The following RHOQ variants were observed in gnomAD, a reference collection of about 807,000 sequenced individuals.
RHOQ encodes the protein ras homolog family member Q, also known as rho-related GTP-binding protein RhoQ.
In RHOQ, 7 loss-of-function variants were observed where a neutral mutation model predicts 25.8. The observed-to-expected ratio is 0.27, with a 90% confidence interval of 0.15 to 0.51. The LOEUF (loss-of-function observed/expected upper bound fraction) is 0.51. Among genes scored for constraint, RHOQ ranks in the 20% least tolerant of loss-of-function variants. The pLI, the probability that RHOQ is intolerant of heterozygous loss-of-function variation, is 0.97. For synonymous variants in RHOQ, 97 were observed against 98.6 expected (o/e 0.98, Z 0.10); for missense variants, 165 against 260.6 (o/e 0.63, Z 2.53).
chr2:46,551,510 G>C (rs1572737519), intron 2 of RHOQ, among the ~76,000 whole-genome samples: 2 of 152,256 alleles, frequency 1.3e-5, no homozygotes, highest in African/African-American at 4.8e-5. Context: ...ATGGACCCCA[G>C]ATCCCTGCTA....
intron 2 of RHOQ, among the ~76,000 whole-genome samples, chr2:46,563,561 A>T (rs1428676399): frequency 6.6e-6 from 1 of 152,146 alleles, no homozygotes; most frequent in Non-Finnish European, 1.5e-5. Context: ...AGGGGAGGGG[A>T]GGGCATCAAA....
rs1195790399 is a variant in RHOQ, at chr2:46,566,293, C to G, written c.202-9794C>G. Reference sequence around the variant, plus strand: ...ATAGTAATAAGCTAGTTCTGGAACTCAGAGGCAGAGACCTCCTCTGACCAC... The same window carrying G: ...ATAGTAATAAGCTAGTTCTGGAACTGAGAGGCAGAGACCTCCTCTGACCAC... On this transcript the variant is annotated intron_variant, in intron 2 of 4. Coordinates refer to ENST00000238738, the MANE Select transcript of RHOQ (RefSeq NM_012249.4). This position sits in a 1 kb window ranked among gnomAD's most constrained non-coding sequence, Gnocchi z 4.2. Among the ~76,000 whole-genome samples the G allele has an allele frequency of 1.3e-5, 2 of 152,152 alleles. No homozygotes were observed. The highest frequency in any genetic ancestry group is 2.9e-5 in the Non-Finnish European group (2 of 68,036).
At chr2:46,570,383 T>C (rs1668873463) in intron 2 of RHOQ, among the ~76,000 whole-genome samples, 1 of 151,696 alleles carries the variant, frequency 6.6e-6, no homozygotes, top group Admixed American at 6.6e-5. Flanking sequence ...GAGGTGGCAG[T>C]GAGCCGAGAT....
chr2:46,556,059 C>T lies in RHOQ; in HGVS notation c.201+12247C>T, dbSNP rs919680394. Among the ~76,000 whole-genome samples, 4 of 152,158 alleles carry T rather than the reference C, an allele frequency of 2.6e-5. No homozygotes were observed. Among genetic ancestry groups the T allele is most frequent in the Admixed American group, 2.6e-4 (4 of 15,270 alleles). Reference sequence around the variant, plus strand: ...CCCCATACCCACCGACAGTCACTCCCCACCATTCCTCCTCCCCCGTCTCCT... The same window carrying T: ...CCCCATACCCACCGACAGTCACTCCTCACCATTCCTCCTCCCCCGTCTCCT... On this transcript the variant is annotated intron_variant, in intron 2 of 4. Coordinates refer to ENST00000238738, the MANE Select transcript of RHOQ (RefSeq NM_012249.4). The surrounding 1 kb of genome is among the most constrained non-coding windows in gnomAD (Gnocchi z 4.9).
At chr2:46,549,448 CG>C (rs1465036472) in intron 2 of RHOQ, among the ~76,000 whole-genome samples, 2 of 152,092 alleles carry the variant, frequency 1.3e-5, no homozygotes, top group Non-Finnish European at 2.9e-5. Flanking sequence ...TAGCTCTCCA[CG>C]GGGGTGTCCG....
intron 4 of RHOQ, among the ~76,000 whole-genome samples, chr2:46,577,591 A>ATTTTTT (rs1669179298): frequency 1.4e-5 from 1 of 69,370 alleles, no homozygotes; most frequent in Non-Finnish European, 3.0e-5. Context: ...TTTTTTTTTC[A>ATTTTTT]TTTTTAGTGG....
rs1195447592 is a variant in RHOQ at position 46,582,288 on chromosome 2, AAAAG to A, written c.*1209_*1212del. 1.3e-5 allele frequency: 2 copies of A among 152,150 alleles called. No individual in the cohort carries two copies. Among genetic ancestry groups the A allele is most frequent in the Non-Finnish European group, 2.9e-5 (2 of 68,014 alleles). 9.4% of individuals were successfully genotyped at this position (152,150 alleles called of 1,614,324 possible). A position where few individuals can be genotyped will look rare whatever the true frequency, so the allele number is the denominator to read the frequency against. ...AAGTGAAAGGCTCTGCTTGAAAAAA[AAAAG>A]AAAAAAAAGTTGGAGGAAAATTTTC... On this transcript the variant is annotated 3_prime_UTR_variant, in exon 5 of 5. Coordinates refer to ENST00000238738, the MANE Select transcript of RHOQ (RefSeq NM_012249.4).
chr2:46,548,844 TTCC>T lies in RHOQ; in HGVS notation c.201+5038_201+5040del, dbSNP rs150146819. On this transcript the variant is annotated intron_variant, in intron 2 of 4. Transcript: ENST00000238738. The surrounding 1 kb of genome is among the most constrained non-coding windows in gnomAD (Gnocchi z 5.2). Reference sequence around the variant, plus strand: ...CACCGCATCACACGGGAATGCTGGTTTCCTCCTCTGCGTTGGGAAGGTGGATAG... The same window carrying T: ...CACCGCATCACACGGGAATGCTGGTTTCCTCTGCGTTGGGAAGGTGGATAG... Among the ~76,000 whole-genome samples the T allele has an allele frequency of 6.6e-6, 1 of 152,356 alleles. No homozygotes were observed. The highest frequency in any genetic ancestry group is 1.9e-4 in the East Asian group (1 of 5,180).
chr2:46,552,793 G>C lies in RHOQ; in HGVS notation c.201+8981G>C, dbSNP rs1668283205. Among the ~76,000 whole-genome samples the C allele has an allele frequency of 6.6e-6, 1 of 152,264 alleles. No individual in the cohort carries two copies. Among genetic ancestry groups the C allele is most frequent in the East Asian group, 1.9e-4 (1 of 5,206 alleles). ...CACAGGCCTGGCCCCCAGAGGCACAGTGTTTTGAAGGGTAGGTCAACCATG... is the reference window on the plus strand; with the variant it reads ...CACAGGCCTGGCCCCCAGAGGCACACTGTTTTGAAGGGTAGGTCAACCATG... On this transcript the variant is annotated intron_variant, in intron 2 of 4. Transcript: ENST00000238738. The surrounding 1 kb of genome is among the most constrained non-coding windows in gnomAD (Gnocchi z 5.0).
At chr2:46,580,706 G>A (rs1468663675) in intron 4 of RHOQ, 1 of 385,222 alleles carries the variant, frequency 2.6e-6, no homozygotes, top group Non-Finnish European at 4.7e-6. Flanking sequence ...ACATATAGTA[G>A]ATACCCAGTA....
In RHOQ at chr2:46,580,773, A is replaced by G. The variant is rs374693614; in HGVS notation, c.463-155A>G. ...AAAGTCTGGAAGGACATATACTAGT[A>G]TTTTAAAATCCCCTCTGGGGTTATG... is the stretch of plus-strand genomic sequence containing the variant. On this transcript the variant is annotated intron_variant, in intron 4 of 4. Coordinates refer to ENST00000238738, the MANE Select transcript of RHOQ (RefSeq NM_012249.4). 15 of 503,698 alleles carry G rather than the reference A, an allele frequency of 3.0e-5. No homozygotes were observed. The East Asian group carries it at 5.2e-4, about 17-fold the overall frequency. 31.2% of individuals were successfully genotyped at this position (503,698 alleles called of 1,614,324 possible).
Position 46,545,909 on chromosome 2 carries a change from G to T in RHOQ, c.201+2097G>T, listed in dbSNP as rs552751587. 1.3e-3 allele frequency among the ~76,000 whole-genome samples: 197 copies of T among 152,198 alleles called. 5 individuals are homozygous for T. In the South Asian group the frequency reaches 0.039, roughly 30 times the overall value. ...ATGGCCGTAATTACTCTTTTTAGTG[G>T]AGGATCATAAGATATAGACCAAGCA... On this transcript the variant is annotated intron_variant, in intron 2 of 4. Coordinates refer to ENST00000238738, the MANE Select transcript of RHOQ (RefSeq NM_012249.4).
At position 46,576,330 on chromosome 2, in the gene RHOQ, C is replaced by A; in HGVS notation, c.366+79C>A. 1 of 1,195,420 alleles carries A rather than the reference C, an allele frequency of 8.4e-7. No homozygotes were observed. Among genetic ancestry groups the A allele is most frequent in the Non-Finnish European group, 1.2e-6 (1 of 840,218 alleles). The allele number at this position is 1,195,420 out of a possible 1,614,324, so 74.1% of individuals were successfully genotyped here. A position where few individuals can be genotyped will look rare whatever the true frequency, so the allele number is the denominator to read the frequency against. On this transcript the variant is annotated intron_variant, in intron 3 of 4. Transcript: ENST00000238738. This position sits in a 1 kb window ranked among gnomAD's most constrained non-coding sequence, Gnocchi z 5.1. The stretch of plus-strand genomic sequence containing the variant: ...GAGGCTGCTCTCAGACAAACAGTCC[C>A]AAAGCTGAGCAAATGATGTAAGTGT...
intron 2 of RHOQ, among the ~76,000 whole-genome samples, chr2:46,570,300 C>A (rs1249528356): frequency 6.6e-6 from 1 of 152,056 alleles, no homozygotes; most frequent in Non-Finnish European, 1.5e-5. Flanking sequence ...ATTAGCCAGC[C>A]ATGGTGGCAG....
chr2:46,560,668 G>T (rs757503639), intron 2 of RHOQ: 3 of 455,176 alleles, frequency 6.6e-6, no homozygotes, highest in South Asian at 3.1e-5. Flanking sequence ...TCCAGCATCC[G>T]CTGTCTTACT....
Position 46,576,107 on chromosome 2 carries a change from G to T in RHOQ, c.222G>T (p.Arg74Ser). Residue 74 changes from arginine (R) to serine (S), a missense_variant, in exon 3 of 5, where the codon AGG becomes AGT. Coordinates refer to ENST00000238738, the MANE Select transcript of RHOQ (RefSeq NM_012249.4). The surrounding 1 kb of genome is among the most constrained non-coding windows in gnomAD (Gnocchi z 5.1). ...CTCAGGAAGACTATGACCGTCTGAG[G>T]CCTTTATCTTACCCAATGACCGATG... ...TAGQEDYDRLRPLSYPMTDVF... is the reference protein window; with the variant it reads ...TAGQEDYDRLSPLSYPMTDVF... 2 of 1,608,660 alleles carry T rather than the reference G, an allele frequency of 1.2e-6. No individual in the cohort carries two copies. The highest frequency in any genetic ancestry group is 1.7e-6 in the Non-Finnish European group (2 of 1,178,280).
At chr2:46,546,464 A>ATATATATGTATATATATATATC in intron 2 of RHOQ, among the ~76,000 whole-genome samples, 1 of 5,236 alleles carries the variant, frequency 1.9e-4, no homozygotes, top group Non-Finnish European at 4.0e-4. Flanking sequence ...ATATATATAT[A>ATATATATGTATATATATATATC]TATATATATG....
At chr2:46,570,829 C>T (rs2104018755) in intron 2 of RHOQ, among the ~76,000 whole-genome samples, 1 of 152,290 alleles carries the variant, frequency 6.6e-6, no homozygotes, top group East Asian at 1.9e-4. Flanking sequence ...AAGGCTGGGG[C>T]TTATCTGTTA....
At position 46,576,105 on chromosome 2, in the gene RHOQ, A is replaced by T; in HGVS notation, c.220A>T (p.Arg74Trp). 1 of 1,607,472 alleles carries T rather than the reference A, an allele frequency of 6.2e-7. No individual in the cohort carries two copies. Among genetic ancestry groups the T allele is most frequent in the Non-Finnish European group, 8.5e-7 (1 of 1,177,946 alleles). ...TAGQEDYDRL[R>W]PLSYPMTDVF... The stretch of plus-strand genomic sequence containing the variant: ...TCCTCAGGAAGACTATGACCGTCTG[A>T]GGCCTTTATCTTACCCAATGACCGA... Residue 74 changes from arginine (R) to tryptophan (W), a missense_variant, in exon 3 of 5, where the codon AGG becomes TGG. Transcript: ENST00000238738. The surrounding 1 kb of genome is among the most constrained non-coding windows in gnomAD (Gnocchi z 5.1).
Sources: gnomAD v4.1 joint callset for allele counts (sites outside exome capture counted in the v4.1 genomes callset) on GRCh38, gnomAD v4.1.1 for gene constraint, Gnocchi (gnomAD v3.1) non-coding constraint, MANE v1.5 for transcripts, NCBI Gene and HGNC (gene_info 2026-07-23, HGNC 2026-07-21) for gene names.